The following TBX4 variants were observed in gnomAD, a reference collection of about 807,000 sequenced individuals.
TBX4 encodes T-box transcription factor 4.
Under a neutral mutation model 54.6 loss-of-function variants are expected in TBX4, and 13 were observed. The ratio of observed to expected loss-of-function variants is 0.24; its 90% CI spans 0.15 to 0.38. The LOEUF is 0.38. Among genes scored for constraint, TBX4 ranks in the 10% least tolerant of loss-of-function variants. The pLI, the probability that TBX4 is intolerant of heterozygous loss-of-function variation, is 1.00. For missense variants in TBX4, 631 were observed against 728.5 expected (o/e 0.87, Z 1.54); for synonymous variants, 314 against 306.7 (o/e 1.02, Z -0.25).
rs1196514285 is a variant in TBX4 at position 61,465,562 on chromosome 17, G to A, written c.282-257G>A. 6.6e-6 allele frequency among the ~76,000 whole-genome samples: 1 copy of A among 152,212 alleles called. No individual in the cohort carries two copies. The highest frequency in any genetic ancestry group is 1.9e-4 in the East Asian group (1 of 5,200). On this transcript the variant is annotated intron_variant, in intron 3 of 8. Transcript: ENST00000644296. This position sits in a 1 kb window ranked among gnomAD's most constrained non-coding sequence, Gnocchi z 4.9. ...TGGGGGAGGGGATAAGTGAATTTGG[G>A]AAATGGTGTAAACTCTCCTCCTAGA...
Position 61,483,650 on chromosome 17 carries a change from G to GTGTGTA in TBX4, c.*137_*138insGTATGT. 8.9e-7 allele frequency: 1 copy of GTGTGTA among 1,118,536 alleles called. No individual in the cohort carries two copies. Among genetic ancestry groups the GTGTGTA allele is most frequent in the Non-Finnish European group, 1.3e-6 (1 of 756,042 alleles). The allele number at this position is 1,118,536 out of a possible 1,614,324, so 69.3% of individuals were successfully genotyped here. ...TGTGTGTGTGTGTGTGTGTGTGTGTGTGTATACACGAGCATGTATGTATTT... is the reference window on the plus strand; with the variant it reads ...TGTGTGTGTGTGTGTGTGTGTGTGTGTGTGTATGTATACACGAGCATGTATGTATTT... On this transcript the variant is annotated 3_prime_UTR_variant, in exon 9 of 9. Transcript: ENST00000644296. The surrounding 1 kb of genome is among the most constrained non-coding windows in gnomAD (Gnocchi z 6.6).
rs1053986918 is a variant in TBX4 at position 61,472,679 on chromosome 17, C to T, written c.549+5022C>T. ...TGAGTTATTGAAAGCCCTAACCCCC[C>T]TCCTTACTTATAAGGGACTTTTCTT... On this transcript the variant is annotated intron_variant, in intron 5 of 8. Transcript: ENST00000644296. This position sits in a 1 kb window ranked among gnomAD's most constrained non-coding sequence, Gnocchi z 4.5. Among the ~76,000 whole-genome samples the T allele has an allele frequency of 2.0e-5, 3 of 152,316 alleles. No individual in the cohort carries two copies. The highest frequency in any genetic ancestry group is 3.9e-4 in the East Asian group (2 of 5,192).
chr17:61,467,270 T>G (rs1256583047), intron 4 of TBX4, among the ~76,000 whole-genome samples: 1 of 152,240 alleles, frequency 6.6e-6, no homozygotes, highest in Non-Finnish European at 1.5e-5. Context: ...CATTTCCCTG[T>G]AACCTCCCTT....
chr17:61,477,941 C>CAAAAAAAAAAAAAAAAAAAAAAA (rs10617980), intron 5 of TBX4, among the ~76,000 whole-genome samples: 3 of 88,664 alleles, frequency 3.4e-5, no homozygotes, highest in Non-Finnish European at 4.6e-5. Context: ...GATTCCATCT[C>CAAAAAAAAAAAAAAAAAAAAAAA]AAAAAAAAAA....
Position 61,467,666 on chromosome 17 carries a change from G to T in TBX4, c.549+9G>T. ...TGGACCCCTTTGGCCATGTAAGCAT[G>T]GGGGCTGCCTGGCCCCAGGAGGCAA... On this transcript the variant is annotated intron_variant, in intron 5 of 8. Transcript: ENST00000644296. The T allele has an allele frequency of 6.2e-7, 1 of 1,614,154 alleles. No homozygotes were observed. The highest frequency in any genetic ancestry group is 8.5e-7 in the Non-Finnish European group (1 of 1,180,024).
In TBX4 at chr17:61,483,727, ACAC is replaced by A. The variant is rs756840229; in HGVS notation, c.*215_*217del. Reference sequence around the variant, plus strand: ...ACTGAGGTCATGACAAGGAAAAAAAACACCACATTTATCTAAGAAGTGATTTTG... The same window carrying A: ...ACTGAGGTCATGACAAGGAAAAAAAACACATTTATCTAAGAAGTGATTTTG... On this transcript the variant is annotated 3_prime_UTR_variant, in exon 9 of 9. Transcript: ENST00000644296. The surrounding 1 kb of genome is among the most constrained non-coding windows in gnomAD (Gnocchi z 6.6). 6.1e-5 allele frequency: 39 copies of A among 644,356 alleles called. No homozygotes were observed. The highest frequency in any genetic ancestry group is 1.1e-5 in the Non-Finnish European group (4 of 377,710). The allele number at this position is 644,356 out of a possible 1,614,324, so 39.9% of individuals were successfully genotyped here.
intron 2 of TBX4, 146 bp downstream of exon 2, chr17:61,456,822 A>C: frequency 1.8e-6 from 1 of 569,304 alleles, no homozygotes; most frequent in Non-Finnish European, 2.6e-6. Flanking sequence ...TTCGTTCTCC[A>C]CTGGACATGG....
intron 8 of TBX4, 31 bp from the exon 9 acceptor site, chr17:61,482,866 G>A (rs2060674214): frequency 6.2e-7 from 1 of 1,610,688 alleles, no homozygotes. Flanking sequence ...TGGTGGAAAT[G>A]GTTCTTCCTG....
intron 8 of TBX4, among the ~76,000 whole-genome samples, chr17:61,482,589 C>T (rs1252753997): frequency 2.6e-5 from 4 of 152,168 alleles, no homozygotes; most frequent in Non-Finnish European, 4.4e-5. Flanking sequence ...CACATCAGGG[C>T]CTCTCACTCT....
Position 61,480,039 on chromosome 17 carries a change from T to G in TBX4, c.792-51T>G, listed in dbSNP as rs747457322. 6 of 1,611,798 alleles carry G rather than the reference T, an allele frequency of 3.7e-6. No homozygotes were observed. The highest frequency in any genetic ancestry group is 1.7e-4 in the Middle Eastern group (1 of 6,060). Reference sequence around the variant, plus strand: ...GGCACGTGGCCTCTGTGACCCTCGATGTATCTTCACTCTCTTCCTGTCTCT... The same window carrying G: ...GGCACGTGGCCTCTGTGACCCTCGAGGTATCTTCACTCTCTTCCTGTCTCT... On this transcript the variant is annotated intron_variant, in intron 7 of 8. Coordinates refer to ENST00000644296, the MANE Select transcript of TBX4 (RefSeq NM_001321120.2). The surrounding 1 kb of genome is among the most constrained non-coding windows in gnomAD (Gnocchi z 6.2).
Position 61,478,554 on chromosome 17 carries a change from A to G in TBX4, c.550-73A>G. 1 of 1,602,314 alleles carries G rather than the reference A, an allele frequency of 6.2e-7. No individual in the cohort carries two copies. Among genetic ancestry groups the G allele is most frequent in the Non-Finnish European group, 8.6e-7 (1 of 1,169,452 alleles). On this transcript the variant is annotated intron_variant, in intron 5 of 8. Coordinates refer to ENST00000644296, the MANE Select transcript of TBX4 (RefSeq NM_001321120.2). This position sits in a 1 kb window ranked among gnomAD's most constrained non-coding sequence, Gnocchi z 7.4. ...GAATGAGAAAAACCAGGCCAGGGCC[A>G]GAAGAATGAGGTCAAGGGCCTGGGG...
Position 61,478,485 on chromosome 17 carries a change from G to A in TBX4, c.550-142G>A. ...CAGGGGCCTGGTTCTTCACTTGGGA[G>A]CTCCAGTCCTGGTCGGTAGGCCCCG... On this transcript the variant is annotated intron_variant, in intron 5 of 8. Coordinates refer to ENST00000644296, the MANE Select transcript of TBX4 (RefSeq NM_001321120.2). This position sits in a 1 kb window ranked among gnomAD's most constrained non-coding sequence, Gnocchi z 7.4. 8.9e-7 allele frequency: 1 copy of A among 1,122,470 alleles called. No individual in the cohort carries two copies. The highest frequency in any genetic ancestry group is 1.3e-6 in the Non-Finnish European group (1 of 765,410). 69.5% of individuals were successfully genotyped at this position (1,122,470 alleles called of 1,614,324 possible).
In TBX4 at chr17:61,474,244, T is replaced by A. The variant is rs1003326485; in HGVS notation, c.550-4383T>A. 2.6e-5 allele frequency among the ~76,000 whole-genome samples: 4 copies of A among 152,212 alleles called. No individual in the cohort carries two copies. Among genetic ancestry groups the A allele is most frequent in the Non-Finnish European group, 5.9e-5 (4 of 68,038 alleles). ...CACTTTTGAGGGGCTAGCATCCAGATAACATGTGTTCTGTGTTCTGTAGGG... is the reference window on the plus strand; with the variant it reads ...CACTTTTGAGGGGCTAGCATCCAGAAAACATGTGTTCTGTGTTCTGTAGGG... On this transcript the variant is annotated intron_variant, in intron 5 of 8. Transcript: ENST00000644296. This position sits in a 1 kb window ranked among gnomAD's most constrained non-coding sequence, Gnocchi z 4.6.
chr17:61,457,449 A>G lies in TBX4; in HGVS notation c.187-88A>G. 1 of 1,294,392 alleles carries G rather than the reference A, an allele frequency of 7.7e-7. No homozygotes were observed. The highest frequency in any genetic ancestry group is 1.1e-6 in the Non-Finnish European group (1 of 890,442). 80.2% of individuals were successfully genotyped at this position (1,294,392 alleles called of 1,614,324 possible). On this transcript the variant is annotated intron_variant, in intron 2 of 8. Transcript: ENST00000644296. The surrounding 1 kb of genome is among the most constrained non-coding windows in gnomAD (Gnocchi z 8.2). Reference sequence around the variant, plus strand: ...GCTCCGGGCGGGCAGGGTTCCGCACAGCTCTTCGGGTCTGGTTCTTCTTTC... The same window carrying G: ...GCTCCGGGCGGGCAGGGTTCCGCACGGCTCTTCGGGTCTGGTTCTTCTTTC...
chr17:61,483,471 G>A lies in TBX4; in HGVS notation c.1596G>A (p.Gln532=). 6 of 1,614,172 alleles carry A rather than the reference G, an allele frequency of 3.7e-6. No individual in the cohort carries two copies. Among genetic ancestry groups the A allele is most frequent in the Non-Finnish European group, 4.2e-6 (5 of 1,180,038 alleles). ...CCTTGTCCCGAGAATCTTCCTTACA[G>A]TACCATTCAGGAATGGGGACTGTGG... ...TFSLSRESSL[Q]YHSGMGTVEN... Residue 532 remains glutamine (Q), a synonymous_variant, in exon 9 of 9, where the codon CAG becomes CAA. Transcript: ENST00000644296. The surrounding 1 kb of genome is among the most constrained non-coding windows in gnomAD (Gnocchi z 6.6).
chr17:61,481,241 C>A lies in TBX4; in HGVS notation c.1021+922C>A, dbSNP rs979665977. On this transcript the variant is annotated intron_variant, in intron 8 of 8. Coordinates refer to ENST00000644296, the MANE Select transcript of TBX4 (RefSeq NM_001321120.2). This position sits in a 1 kb window ranked among gnomAD's most constrained non-coding sequence, Gnocchi z 4.8. ...ATTGAAAAAAATCAAAAGAATATTT[C>A]ATGAGATGTGAGCATTATGTGAAAT... The A allele has an allele frequency of 5.5e-5, 8 of 145,814 alleles. No individual in the cohort carries two copies. The highest frequency in any genetic ancestry group is 2.0e-4 in the African/African-American group (8 of 39,936). The allele number at this position is 145,814 out of a possible 1,614,324, so 9.0% of individuals were successfully genotyped here.
Position 61,476,612 on chromosome 17 carries a change from C to G in TBX4, c.550-2015C>G, listed in dbSNP as rs546794713. Among the ~76,000 whole-genome samples, 1 of 152,380 alleles carries G rather than the reference C, an allele frequency of 6.6e-6. No individual in the cohort carries two copies. The highest frequency in any genetic ancestry group is 2.1e-4 in the South Asian group (1 of 4,828). On this transcript the variant is annotated intron_variant, in intron 5 of 8. Transcript: ENST00000644296. The surrounding 1 kb of genome is among the most constrained non-coding windows in gnomAD (Gnocchi z 6.5). ...GACATCGAGGCCTCTCTGAGCGGGA[C>G]CTGTGTCCTGTAGCCTCACTCTGCA...
chr17:61,466,257 C>G (rs1569037006), intron 4 of TBX4, among the ~76,000 whole-genome samples: 2 of 152,156 alleles, frequency 1.3e-5, no homozygotes, highest in Non-Finnish European at 2.9e-5. Flanking sequence ...ACAGACAAAT[C>G]ATTAACACTG....
chr17:61,460,063 T>G lies in TBX4; in HGVS notation c.281+2432T>G, dbSNP rs1013079057. Among the ~76,000 whole-genome samples, 2 of 152,156 alleles carry G rather than the reference T, an allele frequency of 1.3e-5. No homozygotes were observed. Among genetic ancestry groups the G allele is most frequent in the African/African-American group, 4.8e-5 (2 of 41,430 alleles). ...GGCCCTGCTGCTAAACCTGGAATCA[T>G]AGCTTCCTAGATGGCTAGAGCTGGA... On this transcript the variant is annotated intron_variant, in intron 3 of 8. Transcript: ENST00000644296. This position sits in a 1 kb window ranked among gnomAD's most constrained non-coding sequence, Gnocchi z 4.4.
Sources: allele counts gnomAD v4.1 joint callset (sites outside exome capture counted in the v4.1 genomes callset), GRCh38; gene constraint gnomAD v4.1.1; non-coding constraint Gnocchi (gnomAD v3.1); transcripts MANE v1.5; gene names NCBI Gene and HGNC (gene_info 2026-07-23, HGNC 2026-07-21).